Variants in RBM20 observed in about 807,000 individuals in gnomAD.
RBM20 encodes the protein RNA binding motif protein 20.
RBM20 carries 51 observed loss-of-function variants against 110.1 expected under a neutral mutation model. The ratio of observed to expected loss-of-function variants is 0.46; its 90% CI spans 0.37 to 0.59. The LOEUF (loss-of-function observed/expected upper bound fraction) is 0.59, where lower values mean the gene tolerates loss of function less well. Ranked by LOEUF, RBM20 falls within the 20% of genes least tolerant of loss-of-function variation. RBM20 has a pLI of 0.00. For missense variants in RBM20, 1,512 were observed against 1,574.9 expected (o/e 0.96, Z 0.68); for synonymous variants, 589 against 618.2 (o/e 0.95, Z 0.70).
chr10:110,800,825 A>G (rs768536543), intron 7 of RBM20, among the ~76,000 whole-genome samples: 2 of 152,208 alleles, frequency 1.3e-5, no homozygotes, highest in Non-Finnish European at 2.9e-5. Context: ...CTTTCATTCA[A>G]CATGATGCCA....
At chr10:110,761,682 C>T (rs975559623) in intron 1 of RBM20, among the ~76,000 whole-genome samples, 10 of 152,220 alleles carry the variant, frequency 6.6e-5, no homozygotes, top group African/African-American at 2.2e-4. Context: ...GTTGCCTCCT[C>T]CTTACATTAT....
chr10:110,825,455 A>G lies in RBM20; in HGVS notation c.3451+1841A>G, dbSNP rs529641423. 5.3e-5 allele frequency among the ~76,000 whole-genome samples: 8 copies of G among 152,330 alleles called. No homozygotes were observed. In the East Asian group the frequency reaches 1.5e-3, roughly 29 times the overall value. On this transcript the variant is annotated intron_variant, in intron 12 of 13. Transcript: ENST00000369519. ...AAAAAATAAGAACCATATCAAGTCA[A>G]TATTAAAGGTCTGATTGATCTCTTC...
intron 7 of RBM20, among the ~76,000 whole-genome samples, chr10:110,805,810 T>C (rs1285120749): frequency 6.6e-6 from 1 of 152,188 alleles, no homozygotes; most frequent in Non-Finnish European, 1.5e-5. Flanking sequence ...ATGTGTTAAC[T>C]CTGAGCACTG....
At chr10:110,831,366 G>T (rs761815194) in intron 13 of RBM20, 184 bp downstream of exon 13, 32 of 569,852 alleles carry the variant, frequency 5.6e-5, no homozygotes, top group African/African-American at 9.4e-5. Context: ...TTCTGTGTCT[G>T]TCTCCTTCCA....
At chr10:110,666,012 AGAGAGG>A (rs1360885676) in intron 1 of RBM20, among the ~76,000 whole-genome samples, 2 of 140,778 alleles carry the variant, frequency 1.4e-5, no homozygotes, top group Non-Finnish European at 3.2e-5. Flanking sequence ...AGAGAGAGAG[AGAGAGG>A]GGAAGGAAGG....
intron 1 of RBM20, among the ~76,000 whole-genome samples, chr10:110,746,348 G>T (rs555322596): frequency 9.9e-5 from 15 of 152,244 alleles, no homozygotes; most frequent in Non-Finnish European, 2.1e-4. Flanking sequence ...TAATGGGAGG[G>T]GCTTCCAGGA....
intron 1 of RBM20, among the ~76,000 whole-genome samples, chr10:110,741,265 A>T (rs1460789438): frequency 6.6e-6 from 1 of 152,192 alleles, no homozygotes; most frequent in African/African-American, 2.4e-5. Context: ...GTTAGGGTGG[A>T]TACAGGTAAA....
intron 1 of RBM20, among the ~76,000 whole-genome samples, chr10:110,696,113 C>G (rs114543381): frequency 2.0e-5 from 3 of 152,184 alleles, no homozygotes; most frequent in African/African-American, 4.8e-5. Context: ...TCTGGTGATT[C>G]TGATGCCTGC....
At chr10:110,790,393 G>C (rs191698135) in intron 5 of RBM20, among the ~76,000 whole-genome samples, 1 of 152,384 alleles carries the variant, frequency 6.6e-6, no homozygotes, top group African/African-American at 2.4e-5. Flanking sequence ...AAGAGGAGGA[G>C]ACAGGAGACC....
At chr10:110,801,252 C>A (rs535568912) in intron 7 of RBM20, among the ~76,000 whole-genome samples, 43 of 152,134 alleles carry the variant, frequency 2.8e-4, no homozygotes, top group African/African-American at 1.0e-3. Flanking sequence ...CATGGTGAAA[C>A]CCCGTCTCTA....
intron 7 of RBM20, among the ~76,000 whole-genome samples, chr10:110,802,882 C>T (rs752668548): frequency 4.6e-5 from 7 of 152,212 alleles, no homozygotes; most frequent in East Asian, 1.9e-4. Flanking sequence ...TGGGCTCTAC[C>T]GCTTCCTGCT....
In RBM20 at chr10:110,737,193, A is replaced by AAAAAAAAAAAAAAC. The variant is rs796374212; in HGVS notation, c.192-43604_192-43603insAAAAAAAAACAAAA. On this transcript the variant is annotated intron_variant, in intron 1 of 13. Coordinates refer to ENST00000369519, the MANE Select transcript of RBM20 (RefSeq NM_001134363.3). ...ACTCTGCCTCAAAAAAAAAAAAAAA[A>AAAAAAAAAAAAAAC]AAAACACCCCACACACACACTCAAA... Among the ~76,000 whole-genome samples the AAAAAAAAAAAAAAC allele has an allele frequency of 4.4e-4, 51 of 116,506 alleles. 1 individual carries two copies. The highest frequency in any genetic ancestry group is 6.2e-4 in the African/African-American group (17 of 27,454). The allele number at this position is 116,506 out of a possible 152,430, so 76.4% of individuals were successfully genotyped here.
At chr10:110,685,786 G>C (rs1226140673) in intron 1 of RBM20, among the ~76,000 whole-genome samples, 1 of 152,188 alleles carries the variant, frequency 6.6e-6, no homozygotes, top group Non-Finnish European at 1.5e-5. Context: ...TGAGTAACAA[G>C]ATCAGGGCAA....
At chr10:110,745,905 T>G (rs1285820937) in intron 1 of RBM20, among the ~76,000 whole-genome samples, 1 of 152,220 alleles carries the variant, frequency 6.6e-6, no homozygotes, top group Non-Finnish European at 1.5e-5. Context: ...ACCTTAAGCT[T>G]GTCCACAGTA....
chr10:110,715,601 A>G (rs373341728), intron 1 of RBM20, among the ~76,000 whole-genome samples: 28 of 152,232 alleles, frequency 1.8e-4, no homozygotes, highest in African/African-American at 6.3e-4. Flanking sequence ...TACAACAAAA[A>G]TTTTATTTCT....
chr10:110,816,057 C>G (rs370953533), intron 9 of RBM20, among the ~76,000 whole-genome samples: 4 of 152,184 alleles, frequency 2.6e-5, no homozygotes, highest in Admixed American at 6.5e-5. Flanking sequence ...CAGGTGGCAA[C>G]TGAACTTGGG....
chr10:110,792,505 G>A (rs978765747), intron 5 of RBM20, among the ~76,000 whole-genome samples: 10 of 152,124 alleles, frequency 6.6e-5, no homozygotes, highest in Non-Finnish European at 2.9e-5. Context: ...TATTACCCCT[G>A]TTTTACAGAC....
At chr10:110,678,799 A>T (rs1862379775) in intron 1 of RBM20, among the ~76,000 whole-genome samples, 1 of 152,166 alleles carries the variant, frequency 6.6e-6, no homozygotes, top group Admixed American at 6.5e-5. Flanking sequence ...AAGATGTGAC[A>T]TTTTCATGAT....
rs1844347227 is a variant in RBM20 at position 110,781,506 on chromosome 10, G to A, written c.897G>A (p.Glu299=). 1.3e-6 allele frequency: 2 copies of A among 1,551,648 alleles called. No individual in the cohort carries two copies. Among genetic ancestry groups the A allele is most frequent in the Non-Finnish European group, 1.7e-6 (2 of 1,147,000 alleles). ...GSHVASGFPA[E]QAGGLKSEVG... ...ATGTGGCCAGCGGATTTCCAGCTGAGCAGGCTGGGGGCCTGAAAAGTGAGG... is the reference window on the plus strand; with the variant it reads ...ATGTGGCCAGCGGATTTCCAGCTGAACAGGCTGGGGGCCTGAAAAGTGAGG... The change falls in exon 2 of 14, where the codon GAG becomes GAA. Residue 299 remains glutamate, a synonymous_variant. Coordinates refer to ENST00000369519, the MANE Select transcript of RBM20 (RefSeq NM_001134363.3).
Sources: allele counts gnomAD v4.1 joint callset (sites outside exome capture counted in the v4.1 genomes callset), GRCh38; gene constraint gnomAD v4.1.1; transcripts MANE v1.5; gene names NCBI Gene and HGNC (gene_info 2026-07-23, HGNC 2026-07-21).